The following CUX1 variants were observed in gnomAD, a reference collection of about 807,000 sequenced individuals.
The protein encoded by CUX1 is protein CASP.
In CUX1, 31 loss-of-function variants were observed where a neutral mutation model predicts 158.8. That is an observed-to-expected ratio of 0.20 (90% CI 0.15 to 0.26). The LOEUF is 0.26. CUX1 is among the 10% of genes least tolerant of loss of function. The pLI, the probability that CUX1 is intolerant of heterozygous loss-of-function variation, is 1.00. For missense variants in CUX1, 1,589 were observed against 2,014.6 expected (o/e 0.79, Z 4.04); for synonymous variants, 879 against 862.1 (o/e 1.02, Z -0.34).
At chr7:102,148,457 C>A (rs1554502687) in intron 8 of CUX1, among the ~76,000 whole-genome samples, 1 of 151,984 alleles carries the variant, frequency 6.6e-6, no homozygotes, top group Non-Finnish European at 1.5e-5. Context: ...TCTCAAGAAT[C>A]ACTTGAACCC....
In CUX1 at chr7:102,145,456, G is replaced by A. The variant is rs111544992; in HGVS notation, c.675-13104G>A. On this transcript the variant is annotated intron_variant, in intron 8 of 23. Transcript: ENST00000292535. ...ATGGTGTCAGGTACTGGAAGTGAGC[G>A]CTCACCAGAAGAGAAAGGTCCTGAC... Among the ~76,000 whole-genome samples the A allele has an allele frequency of 3.1e-4, 47 of 151,720 alleles. 1 individual carries two copies. The highest frequency in any genetic ancestry group is 1.1e-3 in the African/African-American group (46 of 41,372).
downstream of CUX1, among the ~76,000 whole-genome samples, chr7:102,262,406 G>GGATGGATGGATGGATGGATGGATGGAT (rs1554544103): frequency 5.3e-5 from 8 of 151,342 alleles, no homozygotes; most frequent in Admixed American, 1.3e-4. Context: ...ATGGATGGAT[G>GGATGGATGGATGGATGGATGGATGGAT]GATGGATGGA....
chr7:101,892,885 G>C (rs893656691), intron 1 of CUX1, among the ~76,000 whole-genome samples: 1 of 152,060 alleles, frequency 6.6e-6, no homozygotes, highest in South Asian at 2.1e-4. Context: ...TAGGGAAAAC[G>C]TTTCCAGAAA....
chr7:102,195,655 T>A, intron 14 of CUX1, 52 bp downstream of exon 14: 1 of 1,503,174 alleles, frequency 6.7e-7, no homozygotes, highest in Non-Finnish European at 9.0e-7. Context: ...CTTCCAGGGG[T>A]CGGTCGAGGA....
intron 4 of CUX1, among the ~76,000 whole-genome samples, chr7:102,094,728 T>C (rs908170927): frequency 6.6e-6 from 1 of 152,224 alleles, no homozygotes; most frequent in Admixed American, 6.5e-5. Flanking sequence ...TGATCAAAGG[T>C]TCCTCTCTTT....
At chr7:101,884,200 TA>T (rs1204758563) in intron 1 of CUX1, among the ~76,000 whole-genome samples, 1 of 152,234 alleles carries the variant, frequency 6.6e-6, no homozygotes, top group African/African-American at 2.4e-5. Flanking sequence ...GGCCAATTTT[TA>T]GTTATTGTGG....
Position 102,178,463 on chromosome 7 carries a change from C to G in CUX1, c.829-6C>G, listed in dbSNP as rs782605802. The G allele has an allele frequency of 6.3e-7, 1 of 1,589,134 alleles. No homozygotes were observed. The highest frequency in any genetic ancestry group is 1.3e-5 in the African/African-American group (1 of 74,504). On this transcript the variant is annotated splice_polypyrimidine_tract_variant and splice_region_variant and intron_variant, in intron 10 of 23. Coordinates refer to ENST00000292535, the MANE Select transcript of CUX1 (RefSeq NM_181552.4). ...GCAGTTTTGTCATCTCTTTTCTCCT[C>G]CCCAGGAGCAGGCCATAGAGGTGCT... is the stretch of plus-strand genomic sequence containing the variant.
intron 2 of CUX1, among the ~76,000 whole-genome samples, chr7:101,963,341 C>T (rs1233091823): frequency 6.6e-6 from 1 of 152,222 alleles, no homozygotes; most frequent in Non-Finnish European, 1.5e-5. Context: ...CTCCTGTATT[C>T]CATGCGCGAC....
chr7:101,882,686 A>G (rs771902088), intron 1 of CUX1, among the ~76,000 whole-genome samples: 1 of 152,164 alleles, frequency 6.6e-6, no homozygotes, highest in East Asian at 1.9e-4. Flanking sequence ...TACTCAGAAT[A>G]TAGCAGCTGT....
chr7:102,123,917 G>T (rs553728567), intron 8 of CUX1, among the ~76,000 whole-genome samples: 1 of 152,060 alleles, frequency 6.6e-6, no homozygotes, highest in Non-Finnish European at 1.5e-5. Flanking sequence ...ACTCATCTCG[G>T]CCTCCCAAAG....
At chr7:102,134,781 A>C (rs1554498272) in intron 8 of CUX1, among the ~76,000 whole-genome samples, 1 of 152,038 alleles carries the variant, frequency 6.6e-6, no homozygotes, top group African/African-American at 2.4e-5. Flanking sequence ...TTATTTTTAG[A>C]GATGGGGTCT....
At chr7:101,898,077 C>T (rs576303801) in intron 1 of CUX1, among the ~76,000 whole-genome samples, 9 of 152,122 alleles carry the variant, frequency 5.9e-5, no homozygotes, top group South Asian at 4.1e-4. Context: ...CCGCAGGGAG[C>T]GCAGATGTAC....
chr7:101,823,913 G>GA (rs1293343322), intron 1 of CUX1, among the ~76,000 whole-genome samples: 1 of 152,066 alleles, frequency 6.6e-6, no homozygotes, highest in Admixed American at 6.6e-5. Flanking sequence ...CCCAGCATAT[G>GA]AAAAAACCAA....
At chr7:102,092,235 T>C (rs2130855347) in intron 4 of CUX1, among the ~76,000 whole-genome samples, 1 of 152,340 alleles carries the variant, frequency 6.6e-6, no homozygotes, top group East Asian at 1.9e-4. Flanking sequence ...CCAGATCTCT[T>C]TTCCCTTCCT....
intron 20 of CUX1, chr7:102,280,919 C>A: frequency 6.7e-7 from 1 of 1,493,862 alleles, no homozygotes; most frequent in South Asian, 1.1e-5. Context: ...TGTCTCCAGG[C>A]ACCTCTTCAC....
intron 2 of CUX1, among the ~76,000 whole-genome samples, chr7:101,923,019 C>T (rs544585905): frequency 9.2e-5 from 14 of 152,342 alleles, no homozygotes; most frequent in African/African-American, 1.9e-4. Flanking sequence ...GCTTTGATCG[C>T]GGTCAAACTC....
At chr7:102,128,848 T>C (rs1554496253) in intron 8 of CUX1, among the ~76,000 whole-genome samples, 1 of 151,832 alleles carries the variant, frequency 6.6e-6, no homozygotes, top group African/African-American at 2.4e-5. Context: ...CGTGGTGGCA[T>C]GTGTCTGTAA....
intron 3 of CUX1, among the ~76,000 whole-genome samples, chr7:102,048,690 A>C (rs375881938): frequency 6.6e-6 from 1 of 152,096 alleles, no homozygotes; most frequent in East Asian, 1.9e-4. Context: ...TTAGCTATGC[A>C]TGGTGGCACA....
intron 8 of CUX1, among the ~76,000 whole-genome samples, chr7:102,129,745 T>C (rs782639444): frequency 1.3e-5 from 2 of 152,144 alleles, no homozygotes; most frequent in African/African-American, 2.4e-5. Flanking sequence ...ATGTGCCACA[T>C]TTTTGCAAGA....
Sources: allele counts gnomAD v4.1 joint callset (sites outside exome capture counted in the v4.1 genomes callset), GRCh38; gene constraint gnomAD v4.1.1; transcripts MANE v1.5; gene names NCBI Gene and HGNC (gene_info 2026-07-23, HGNC 2026-07-21).